Variants in MAN1C1 observed in about 807,000 individuals in gnomAD.
MAN1C1 encodes mannosyl-oligosaccharide 1,2-alpha-mannosidase IC.
A neutral mutation model predicts 71.5 loss-of-function variants in MAN1C1; 49 were observed. The ratio of observed to expected loss-of-function variants is 0.69; its 90% CI spans 0.54 to 0.87. The LOEUF is 0.87. Ranked by LOEUF, MAN1C1 falls within the 40% of genes least tolerant of loss-of-function variation. The probability of loss-of-function intolerance (pLI) is 0.00; values close to 1 mark genes in which losing one functional copy is unlikely to be tolerated. For missense variants in MAN1C1, 743 were observed against 835.0 expected (o/e 0.89, Z 1.36); for synonymous variants, 352 against 343.7 (o/e 1.02, Z -0.27).
intron 2 of MAN1C1, among the ~76,000 whole-genome samples, chr1:25,699,921 C>T (rs913347033): frequency 3.3e-5 from 5 of 152,170 alleles, no homozygotes; most frequent in Non-Finnish European, 7.3e-5. Context: ...CCAAGCTCCA[C>T]AGACAGCTGT....
rs2046824976 is a variant in MAN1C1 at position 25,725,922 on chromosome 1, C to G, written c.638-20746C>G. On this transcript the variant is annotated intron_variant, in intron 2 of 11. Transcript: ENST00000374332. The surrounding 1 kb of genome is among the most constrained non-coding windows in gnomAD (Gnocchi z 4.8). ...AGGCTCAGCGGTACGGCATGCTGAGCTGAGTGTGGCTGTGGCATGAAATGA... is the reference window on the plus strand; with the variant it reads ...AGGCTCAGCGGTACGGCATGCTGAGGTGAGTGTGGCTGTGGCATGAAATGA... Among the ~76,000 whole-genome samples the G allele has an allele frequency of 6.6e-6, 1 of 152,164 alleles. No homozygotes were observed. Among genetic ancestry groups the G allele is most frequent in the African/African-American group, 2.4e-5 (1 of 41,438 alleles).
chr1:25,759,313 C>T (rs2047330772), intron 6 of MAN1C1: 1 of 153,936 alleles, frequency 6.5e-6, no homozygotes, highest in Non-Finnish European at 1.4e-5. Context: ...AGAAGTGTCG[C>T]TGTAGGTCTG....
intron 1 of MAN1C1, among the ~76,000 whole-genome samples, chr1:25,684,734 C>T (rs1344374220): frequency 6.6e-6 from 1 of 152,220 alleles, no homozygotes; most frequent in Admixed American, 6.5e-5. Context: ...ATGGAGAATA[C>T]AGGTGGTGAT....
At chr1:25,732,922 G>T (rs1478550698) in intron 2 of MAN1C1, among the ~76,000 whole-genome samples, 1 of 152,032 alleles carries the variant, frequency 6.6e-6, no homozygotes, top group Non-Finnish European at 1.5e-5. Context: ...CTTGGCTGTG[G>T]TCCACAGGCC....
At chr1:25,750,603 C>A (rs963382595) in intron 4 of MAN1C1, among the ~76,000 whole-genome samples, 1 of 152,228 alleles carries the variant, frequency 6.6e-6, no homozygotes, top group Non-Finnish European at 1.5e-5. Flanking sequence ...TTCGAAGCAA[C>A]AGGCGGGCAC....
At chr1:25,695,654 C>G (rs1379843919) in intron 2 of MAN1C1, among the ~76,000 whole-genome samples, 1 of 152,228 alleles carries the variant, frequency 6.6e-6, no homozygotes, top group Non-Finnish European at 1.5e-5. Context: ...GAGTTTTTGC[C>G]AAGCAGTTTC....
intron 2 of MAN1C1, among the ~76,000 whole-genome samples, chr1:25,703,028 C>T (rs1197802636): frequency 2.0e-5 from 3 of 152,226 alleles, no homozygotes; most frequent in Non-Finnish European, 2.9e-5. Flanking sequence ...TTCCATGTTC[C>T]GTCTCCAGAA....
chr1:25,638,227 A>T (rs1203592448), intron 1 of MAN1C1, among the ~76,000 whole-genome samples: 2 of 152,002 alleles, frequency 1.3e-5, no homozygotes, highest in African/African-American at 4.8e-5. Flanking sequence ...TTTGATGATT[A>T]GAATTTTCAT....
At chr1:25,626,407 G>A (rs1402114014) in intron 1 of MAN1C1, among the ~76,000 whole-genome samples, 2 of 150,724 alleles carry the variant, frequency 1.3e-5, no homozygotes, top group African/African-American at 4.9e-5. Flanking sequence ...TGCCCAGGCT[G>A]GAGTGCAGTG....
At chr1:25,719,909 G>A (rs1475426474) in intron 2 of MAN1C1, among the ~76,000 whole-genome samples, 1 of 151,940 alleles carries the variant, frequency 6.6e-6, no homozygotes, top group Non-Finnish European at 1.5e-5. Flanking sequence ...CCAGCCTCCT[G>A]AGTAGCTGGT....
chr1:25,779,398 G>A lies in MAN1C1; in HGVS notation c.1477+1074G>A, dbSNP rs1052627027. On this transcript the variant is annotated intron_variant, in intron 9 of 11. Coordinates refer to ENST00000374332, the MANE Select transcript of MAN1C1 (RefSeq NM_020379.4). The surrounding 1 kb of genome is among the most constrained non-coding windows in gnomAD (Gnocchi z 4.6). Reference sequence around the variant, plus strand: ...GCACTTGCTGACCGCCCATCATGATGTGTCTGTGCCCGCCCCAGCTGAATG... The same window carrying A: ...GCACTTGCTGACCGCCCATCATGATATGTCTGTGCCCGCCCCAGCTGAATG... Among the ~76,000 whole-genome samples, 1 of 152,194 alleles carries A rather than the reference G, an allele frequency of 6.6e-6. No homozygotes were observed. Among genetic ancestry groups the A allele is most frequent in the Non-Finnish European group, 1.5e-5 (1 of 68,024 alleles).
chr1:25,718,777 A>G (rs1266790770), intron 2 of MAN1C1, among the ~76,000 whole-genome samples: 2 of 152,156 alleles, frequency 1.3e-5, no homozygotes, highest in East Asian at 3.8e-4. Flanking sequence ...ATTTCTTTAC[A>G]TTGATGAATA....
intron 1 of MAN1C1, among the ~76,000 whole-genome samples, chr1:25,630,584 T>A (rs1199080801): frequency 6.6e-6 from 1 of 152,216 alleles, no homozygotes; most frequent in Non-Finnish European, 1.5e-5. Flanking sequence ...CTTCCAGCAG[T>A]GTCTTGTTGT....
chr1:25,680,384 C>A (rs6685587), intron 1 of MAN1C1, among the ~76,000 whole-genome samples: 5,578 of 152,226 alleles, frequency 0.037, 148 homozygotes, highest in Non-Finnish European at 0.057. Context: ...AATATATTCA[C>A]AAATTGTGAA....
rs535828762 is a variant in MAN1C1 at position 25,746,366 on chromosome 1, A to G, written c.638-302A>G. ...AGAGAAAAGTGGGTGGCTGATTGGC[A>G]CTGATAGTTGACCCGCTGACCAACA... On this transcript the variant is annotated intron_variant, in intron 2 of 11. Transcript: ENST00000374332. This position sits in a 1 kb window ranked among gnomAD's most constrained non-coding sequence, Gnocchi z 4.0. Among the ~76,000 whole-genome samples the G allele has an allele frequency of 5.3e-5, 8 of 152,210 alleles. No individual in the cohort carries two copies. Among genetic ancestry groups the G allele is most frequent in the Non-Finnish European group, 1.2e-4 (8 of 68,026 alleles).
intron 1 of MAN1C1, among the ~76,000 whole-genome samples, chr1:25,647,257 T>G (rs1241727342): frequency 6.6e-6 from 1 of 151,878 alleles, no homozygotes; most frequent in East Asian, 1.9e-4. Flanking sequence ...CCTCTCCAGT[T>G]TTTTGGGAGC....
At chr1:25,642,352 A>C (rs1374899684) in intron 1 of MAN1C1, among the ~76,000 whole-genome samples, 1 of 152,206 alleles carries the variant, frequency 6.6e-6, no homozygotes, top group East Asian at 1.9e-4. Context: ...AGCCTAACCC[A>C]GTCCCAGGTG....
At chr1:25,781,893 G>C (rs2047700821) in intron 10 of MAN1C1, among the ~76,000 whole-genome samples, 1 of 152,114 alleles carries the variant, frequency 6.6e-6, no homozygotes, top group Non-Finnish European at 1.5e-5. Context: ...CAGCCTATAG[G>C]CAACACGGCA....
chr1:25,650,401 A>C (rs2045675261), intron 1 of MAN1C1, among the ~76,000 whole-genome samples: 1 of 152,170 alleles, frequency 6.6e-6, no homozygotes, highest in Non-Finnish European at 1.5e-5. Flanking sequence ...TTATTACCAA[A>C]TACAGTGTCC....
Sources: allele counts gnomAD v4.1 joint callset (sites outside exome capture counted in the v4.1 genomes callset), GRCh38; gene constraint gnomAD v4.1.1; non-coding constraint Gnocchi (gnomAD v3.1); transcripts MANE v1.5; gene names NCBI Gene and HGNC (gene_info 2026-07-23, HGNC 2026-07-21).